The following NAV2 variants were observed in gnomAD, a reference collection of about 807,000 sequenced individuals.
NAV2 encodes neuron navigator 2.
NAV2 carries 54 observed loss-of-function variants against 223.2 expected under a neutral mutation model. The observed-to-expected ratio is 0.24, with a 90% confidence interval of 0.19 to 0.30. The LOEUF (loss-of-function observed/expected upper bound fraction) is 0.30, where lower values mean the gene tolerates loss of function less well. NAV2 is among the 10% of genes least tolerant of loss of function. NAV2 has a pLI of 1.00. For missense variants in NAV2, 2,806 were observed against 3,147.5 expected (o/e 0.89, Z 2.60); for synonymous variants, 1,279 against 1,239.3 (o/e 1.03, Z -0.67).
At chr11:19,776,676 G>GTGTGTGTGTGTGTGTGTGTGTGT (rs61624701) in intron 1 of NAV2, among the ~76,000 whole-genome samples, 2 of 147,674 alleles carry the variant, frequency 1.4e-5, no homozygotes, top group Non-Finnish European at 3.0e-5. Flanking sequence ...GTGTGTGTGT[G>GTGTGTGTGTGTGTGTGTGTGTGT]GTTAGAGTTG....
intron 1 of NAV2, among the ~76,000 whole-genome samples, chr11:19,593,302 G>A (rs1390440311): frequency 6.6e-6 from 1 of 152,048 alleles, no homozygotes; most frequent in African/African-American, 2.4e-5. Context: ...TAATGTCTTT[G>A]AGATCCATTC....
chr11:19,688,889 TC>T (rs2049093109), intron 1 of NAV2, among the ~76,000 whole-genome samples: 1 of 152,070 alleles, frequency 6.6e-6, no homozygotes, highest in African/African-American at 2.4e-5. Flanking sequence ...ATTAATAGCA[TC>T]CCCTTTCACT....
Position 19,514,885 on chromosome 11 carries a change from T to G in NAV2, c.75+163858T>G, listed in dbSNP as rs556974631. 4.6e-5 allele frequency among the ~76,000 whole-genome samples: 7 copies of G among 152,302 alleles called. No homozygotes were observed. The South Asian group carries it at 1.0e-3, about 23-fold the overall frequency. On this transcript the variant is annotated intron_variant, in intron 1 of 37. Coordinates refer to the NAV2 transcript ENST00000360655. Reference sequence around the variant, plus strand: ...AAGCAGGGGCATGAGGAGGAGTTTTTGGGGCCTCTGAGCTGTTTAATTCTA... The same window carrying G: ...AAGCAGGGGCATGAGGAGGAGTTTTGGGGGCCTCTGAGCTGTTTAATTCTA...
chr11:19,460,465 A>G (rs983743159), intron 1 of NAV2, among the ~76,000 whole-genome samples: 12 of 152,096 alleles, frequency 7.9e-5, no homozygotes, highest in Admixed American at 2.6e-4. Flanking sequence ...ACCCCCAAAT[A>G]GTAGTTATTA....
intron 1 of NAV2, among the ~76,000 whole-genome samples, chr11:19,466,145 C>T (rs912192198): frequency 7.9e-5 from 12 of 152,112 alleles, no homozygotes; most frequent in East Asian, 3.8e-4. Context: ...ATTTTTATAG[C>T]GATGTGCCAG....
chr11:19,927,784 A>T (rs561049070), intron 6 of NAV2, among the ~76,000 whole-genome samples: 1 of 152,210 alleles, frequency 6.6e-6, no homozygotes, highest in Non-Finnish European at 1.5e-5. Context: ...ATCAGAGTTT[A>T]TTATACATAA....
At chr11:19,944,514 C>G (rs1389194705) in intron 8 of NAV2, among the ~76,000 whole-genome samples, 3 of 149,188 alleles carry the variant, frequency 2.0e-5, no homozygotes, top group African/African-American at 7.4e-5. Flanking sequence ...TTCCCCTTTC[C>G]CCTTTCCTTT....
intron 3 of NAV2, among the ~76,000 whole-genome samples, chr11:19,868,574 G>A (rs904952562): frequency 6.6e-6 from 1 of 152,208 alleles, no homozygotes; most frequent in Non-Finnish European, 1.5e-5. Context: ...TCTCCCAGCT[G>A]CTGGTAGATG....
intron 1 of NAV2, among the ~76,000 whole-genome samples, chr11:19,798,251 T>A (rs537353351): frequency 6.6e-6 from 1 of 152,322 alleles, no homozygotes; most frequent in Admixed American, 6.5e-5. Context: ...TAGACAGAAG[T>A]GCACTCCCTT....
At chr11:19,557,816 A>G (rs2044952140) in intron 1 of NAV2, among the ~76,000 whole-genome samples, 2 of 152,244 alleles carry the variant, frequency 1.3e-5, no homozygotes, top group South Asian at 2.1e-4. Flanking sequence ...GCATTCCTGC[A>G]GTCAGGATGT....
chr11:19,957,323 A>G (rs938552280), intron 10 of NAV2, among the ~76,000 whole-genome samples: 1 of 152,146 alleles, frequency 6.6e-6, no homozygotes, highest in African/African-American at 2.4e-5. Flanking sequence ...TCCCTGTCTG[A>G]TATTTTCCTT....
chr11:19,964,492 C>CT (rs1555171616), intron 10 of NAV2, among the ~76,000 whole-genome samples: 174 of 146,628 alleles, frequency 1.2e-3, no homozygotes, highest in African/African-American at 2.5e-3. Flanking sequence ...TTTTCATCCT[C>CT]TTTTTTTTTT....
At chr11:19,385,857 G>T (rs1849021887) in intron 1 of NAV2, among the ~76,000 whole-genome samples, 1 of 147,866 alleles carries the variant, frequency 6.8e-6, no homozygotes, top group Admixed American at 6.9e-5. Flanking sequence ...CGCCTCCTGG[G>T]TTCACGCCAG....
intron 1 of NAV2, among the ~76,000 whole-genome samples, chr11:19,813,428 G>C (rs1404856427): frequency 6.6e-6 from 1 of 152,188 alleles, no homozygotes; most frequent in African/African-American, 2.4e-5. Context: ...GTTTGCCTGG[G>C]GCAGCCAAAG....
intron 1 of NAV2, among the ~76,000 whole-genome samples, chr11:19,426,617 G>T (rs1053828785): frequency 1.3e-5 from 2 of 152,154 alleles, no homozygotes; most frequent in Non-Finnish European, 2.9e-5. Context: ...ATATGTTTTG[G>T]GGTTCAGGGA....
intron 4 of NAV2, among the ~76,000 whole-genome samples, chr11:19,875,097 C>T (rs2062757636): frequency 6.6e-6 from 1 of 152,182 alleles, no homozygotes; most frequent in Admixed American, 6.5e-5. Flanking sequence ...GCAGAGGTTG[C>T]AGTGAGCTGG....
chr11:19,663,251 G>A (rs2048332974), intron 1 of NAV2, among the ~76,000 whole-genome samples: 1 of 152,192 alleles, frequency 6.6e-6, no homozygotes, highest in Admixed American at 6.5e-5. Context: ...TAGACATGGT[G>A]TGTGTAATAC....
chr11:19,431,530 T>C (rs1851035966), intron 1 of NAV2, among the ~76,000 whole-genome samples: 1 of 152,174 alleles, frequency 6.6e-6, no homozygotes, highest in Non-Finnish European at 1.5e-5. Context: ...TGGAATTCTG[T>C]TGCACTAGAA....
intron 6 of NAV2, among the ~76,000 whole-genome samples, chr11:19,898,412 G>A (rs1591134878): frequency 1.3e-5 from 2 of 152,220 alleles, no homozygotes; most frequent in South Asian, 2.1e-4. Flanking sequence ...TGCTTTATAA[G>A]TAATTATTCT....
Sources: gnomAD v4.1 joint callset for allele counts (sites outside exome capture counted in the v4.1 genomes callset) on GRCh38, gnomAD v4.1.1 for gene constraint, MANE v1.5 for transcripts, NCBI Gene and HGNC (gene_info 2026-07-23, HGNC 2026-07-21) for gene names.